Variants in ZMYM4 observed in about 807,000 individuals in gnomAD.
ZMYM4 encodes zinc finger MYM-type containing 4.
Under a neutral mutation model 183.2 loss-of-function variants are expected in ZMYM4, and 31 were observed. The ratio of observed to expected loss-of-function variants is 0.17; its 90% CI spans 0.13 to 0.23. The LOEUF is 0.23. Among genes scored for constraint, ZMYM4 ranks in the 10% least tolerant of loss-of-function variants. The pLI, the probability that ZMYM4 is intolerant of heterozygous loss-of-function variation, is 1.00. For synonymous variants in ZMYM4, 592 were observed against 631.2 expected (o/e 0.94, Z 0.93); for missense variants, 1,273 against 1,840.3 (o/e 0.69, Z 5.64).
chr1:35,419,686 T>G lies in ZMYM4; in HGVS notation c.*9T>G. The G allele has an allele frequency of 6.2e-7, 1 of 1,613,890 alleles. No individual in the cohort carries two copies. The highest frequency in any genetic ancestry group is 8.5e-7 in the Non-Finnish European group (1 of 1,179,870). Reference sequence around the variant, plus strand: ...TTGAATTATCAGATTAAAACGGAAGTGAGGTTCTTATTTTCATACATATTG... The same window carrying G: ...TTGAATTATCAGATTAAAACGGAAGGGAGGTTCTTATTTTCATACATATTG... On this transcript the variant is annotated 3_prime_UTR_variant, in exon 30 of 30. Transcript: ENST00000314607.
intron 2 of ZMYM4, among the ~76,000 whole-genome samples, chr1:35,353,750 T>A (rs1643714616): frequency 6.6e-6 from 1 of 152,246 alleles, no homozygotes; most frequent in African/African-American, 2.4e-5. Flanking sequence ...AGTTAAGTAA[T>A]GTAACTAGTA....
Position 35,359,198 on chromosome 1 carries a change from A to G in ZMYM4, c.359A>G (p.His120Arg). The G allele has an allele frequency of 6.2e-7, 1 of 1,613,326 alleles. No homozygotes were observed. The highest frequency in any genetic ancestry group is 8.5e-7 in the Non-Finnish European group (1 of 1,179,570). ...GAAGTAGAGAGAAGAGTCACACAGC[A>G]TGAATCAGACAATGAAAATGAAATA... is the stretch of plus-strand genomic sequence containing the variant. ...SLEVERRVTQ[H>R]ESDNENEIQI... The change falls in exon 3 of 30, where the codon CAT (histidine) becomes CGT (arginine). Residue 120 changes from histidine (H) to arginine (R), a missense_variant. Physicochemically the swap from His to Arg is conservative, Grantham distance 29. Transcript: ENST00000314607.
intron 1 of ZMYM4, among the ~76,000 whole-genome samples, chr1:35,269,803 G>C (rs531302044): frequency 5.9e-5 from 9 of 152,292 alleles, no homozygotes; most frequent in African/African-American, 2.2e-4. Context: ...ACCTTTTAAA[G>C]TTTGTCTGGA....
At chr1:35,341,597 T>C (rs927123212) in intron 2 of ZMYM4, among the ~76,000 whole-genome samples, 2 of 151,972 alleles carry the variant, frequency 1.3e-5, no homozygotes, top group African/African-American at 4.8e-5. Context: ...TTATTAAATC[T>C]AGTAGGCTTT....
intron 2 of ZMYM4, among the ~76,000 whole-genome samples, chr1:35,352,259 A>ACACGCG (rs1202948196): frequency 2.0e-3 from 153 of 77,604 alleles, no homozygotes; most frequent in African/African-American, 0.01. Flanking sequence ...ATTAGCGCGC[A>ACACGCG]CGCGCGCGCG....
At chr1:35,294,281 GA>G (rs1472781005) in intron 1 of ZMYM4, among the ~76,000 whole-genome samples, 1 of 150,860 alleles carries the variant, frequency 6.6e-6, no homozygotes, top group East Asian at 1.9e-4. Context: ...CTGGGACTTG[GA>G]AAAAAATAGA....
chr1:35,305,571 G>GTCT (rs1641498723), intron 1 of ZMYM4, among the ~76,000 whole-genome samples: 1 of 151,236 alleles, frequency 6.6e-6, no homozygotes. Flanking sequence ...TAGAGACAGT[G>GTCT]TCTTGCTCAT....
chr1:35,307,785 C>G (rs1212518131), intron 1 of ZMYM4, among the ~76,000 whole-genome samples: 2 of 151,986 alleles, frequency 1.3e-5, no homozygotes, highest in South Asian at 4.2e-4. Context: ...CTGCCCGCCT[C>G]GGCCTCCCAA....
chr1:35,372,757 T>C (rs1286003585), intron 7 of ZMYM4, among the ~76,000 whole-genome samples: 2 of 152,270 alleles, frequency 1.3e-5, no homozygotes, highest in African/African-American at 4.8e-5. Flanking sequence ...TGAAATTTAA[T>C]GCTCCAATGA....
In ZMYM4 at chr1:35,312,196, T is replaced by C. The variant is rs138520118; in HGVS notation, c.40-13164T>C. Among the ~76,000 whole-genome samples, 13 of 152,310 alleles carry C rather than the reference T, an allele frequency of 8.5e-5. 2 individuals carry two copies. Among genetic ancestry groups the C allele is most frequent in the African/African-American group, 2.6e-4 (11 of 41,582 alleles). On this transcript the variant is annotated intron_variant, in intron 1 of 29. Coordinates refer to ENST00000314607, the MANE Select transcript of ZMYM4 (RefSeq NM_005095.3). ...GTTTGATTATGAGTGTCTTGGTGTA[T>C]ATATCTTTGGGTTTTCCTGTTTGAC...
chr1:35,388,536 T>C (rs1644631234), intron 13 of ZMYM4, among the ~76,000 whole-genome samples: 2 of 151,542 alleles, frequency 1.3e-5, no homozygotes, highest in Admixed American at 6.6e-5. Flanking sequence ...ATCGATGCAG[T>C]TTAATATTTT....
At chr1:35,305,051 G>A (rs750663341) in intron 1 of ZMYM4, among the ~76,000 whole-genome samples, 8 of 152,096 alleles carry the variant, frequency 5.3e-5, no homozygotes, top group Non-Finnish European at 1.0e-4. Context: ...TCACCATGTT[G>A]GCCAGGATGG....
At chr1:35,394,564 A>C (rs981357571) in intron 18 of ZMYM4, among the ~76,000 whole-genome samples, 1 of 152,050 alleles carries the variant, frequency 6.6e-6, no homozygotes, top group Non-Finnish European at 1.5e-5. Flanking sequence ...GGCCACAGCT[A>C]CCCATAGTGG....
At chr1:35,275,616 A>G (rs1456656170) in intron 1 of ZMYM4, among the ~76,000 whole-genome samples, 2 of 152,324 alleles carry the variant, frequency 1.3e-5, no homozygotes, top group Non-Finnish European at 2.9e-5. Context: ...TGAATTCTGT[A>G]TTAGGAGAAC....
chr1:35,333,728 A>G (rs1224632777), intron 2 of ZMYM4, among the ~76,000 whole-genome samples: 1 of 152,116 alleles, frequency 6.6e-6, no homozygotes, highest in Non-Finnish European at 1.5e-5. Context: ...ACACAAATAT[A>G]TGTATGTCAG....
At chr1:35,275,316 A>G (rs1200978728) in intron 1 of ZMYM4, among the ~76,000 whole-genome samples, 2 of 151,848 alleles carry the variant, frequency 1.3e-5, no homozygotes. Context: ...ATCTCAGCTC[A>G]CTACAACCTC....
rs144213031 is a variant in ZMYM4 at position 35,410,456 on chromosome 1, A to ATATTTATT, written c.3948+2309_3948+2316dup. Among the ~76,000 whole-genome samples, 64 of 151,230 alleles carry ATATTTATT rather than the reference A, an allele frequency of 4.2e-4. 1 individual carries two copies. The highest frequency in any genetic ancestry group is 3.2e-3 in the Admixed American group (49 of 15,144). ...GTAGTGTACTTTGAATGACAAATAT[A>ATATTTATT]TATTTATTTATTTATTTATCTGTTT... On this transcript the variant is annotated intron_variant, in intron 26 of 29. Coordinates refer to ENST00000314607, the MANE Select transcript of ZMYM4 (RefSeq NM_005095.3).
chr1:35,380,968 G>A (rs554173091), intron 7 of ZMYM4, among the ~76,000 whole-genome samples: 1 of 152,074 alleles, frequency 6.6e-6, no homozygotes, highest in Non-Finnish European at 1.5e-5. Context: ...AATCCCTCCT[G>A]TAGAGATAAT....
intron 9 of ZMYM4, among the ~76,000 whole-genome samples, chr1:35,383,418 G>A (rs1189828929): frequency 6.6e-6 from 1 of 151,954 alleles, no homozygotes. Context: ...GCGTTGATTA[G>A]GAACATTCTT....
Sources: gnomAD v4.1 joint callset for allele counts (sites outside exome capture counted in the v4.1 genomes callset) on GRCh38, gnomAD v4.1.1 for gene constraint, MANE v1.5 for transcripts, NCBI Gene and HGNC (gene_info 2026-07-23, HGNC 2026-07-21) for gene names.